The following CYFIP1 variants were observed in gnomAD, a reference collection of about 807,000 sequenced individuals.
CYFIP1 encodes cytoplasmic FMR1-interacting protein 1.
Under a neutral mutation model 163.5 loss-of-function variants are expected in CYFIP1, and 58 were observed. The ratio of observed to expected loss-of-function variants is 0.35; its 90% CI spans 0.29 to 0.44. The LOEUF is 0.44. Among genes scored for constraint, CYFIP1 ranks in the 20% least tolerant of loss-of-function variants. CYFIP1 has a pLI of 1.00. For missense variants in CYFIP1, 1,338 were observed against 1,653.8 expected, an observed-to-expected ratio of 0.81 and a Z score of 3.31; for synonymous variants, 663 against 660.7, an observed-to-expected ratio of 1.00 and a Z score of -0.05.
rs369554331 is a variant in CYFIP1 at position 22,870,088 on chromosome 15, C to T, written c.3702G>A (p.Thr1234=). The change falls in exon 31 of 31, where the codon ACG becomes ACA. Residue 1234 remains threonine (T), a synonymous_variant. Coordinates refer to ENST00000617928, the MANE Select transcript of CYFIP1 (RefSeq NM_014608.6). ...KYLKSGDGEG[T]PVEHVRCFQP... is the part of the protein sequence containing the mutation. ...GGAAGCAGCGCACATGCTCCACTGGCGTGCCCTCCCCGTCGCCTGACTTCA... is the reference window on the plus strand; with the variant it reads ...GGAAGCAGCGCACATGCTCCACTGGTGTGCCCTCCCCGTCGCCTGACTTCA... The T allele has an allele frequency of 8.1e-6, 13 of 1,612,810 alleles. No individual in the cohort carries two copies. Among genetic ancestry groups the T allele is most frequent in the East Asian group, 2.2e-5 (1 of 44,816 alleles).
chr15:22,941,784 A>G (rs2061900524), intron 6 of CYFIP1, among the ~76,000 whole-genome samples: 1 of 152,128 alleles, frequency 6.6e-6, no homozygotes, highest in South Asian at 2.1e-4. Flanking sequence ...ACTAGGCTTT[A>G]GAATAAAGGT....
chr15:22,960,999 CATTTATTT>C (rs139765970), intron 1 of CYFIP1, among the ~76,000 whole-genome samples: 9 of 151,300 alleles, frequency 5.9e-5, no homozygotes, highest in African/African-American at 1.2e-4. Context: ...ATTTGTATTT[CATTTATTT>C]ATTTATTTAT....
chr15:22,954,582 C>A (rs371179568), intron 1 of CYFIP1, among the ~76,000 whole-genome samples: 8 of 152,136 alleles, frequency 5.3e-5, no homozygotes, highest in African/African-American at 1.9e-4. Flanking sequence ...CCTCCCCAGG[C>A]GGCGAACCGA....
intron 23 of CYFIP1, among the ~76,000 whole-genome samples, chr15:22,883,917 A>C (rs1008711479): frequency 5.3e-5 from 8 of 152,148 alleles, no homozygotes; most frequent in Non-Finnish European, 1.0e-4. Flanking sequence ...GTAAAGGGGA[A>C]GCAAGCACCT....
chr15:22,947,044 T>C lies in CYFIP1; in HGVS notation c.166A>G (p.Ile56Val). 6.2e-7 allele frequency: 1 copy of C among 1,614,194 alleles called. No individual in the cohort carries two copies. The highest frequency in any genetic ancestry group is 8.5e-7 in the Non-Finnish European group (1 of 1,180,002). Residue 56 changes from isoleucine (I) to valine (V), a missense_variant, in exon 3 of 31, where the codon ATC (isoleucine) becomes GTC (valine). Around this residue, in one of 4 missense-constraint regions of CYFIP1, gnomAD observed 186 missense variants for 288.3 expected, o/e 0.65. Transcript: ENST00000617928. ...GTGGCTTGTTCAATGTATCTTGCGATGCCAGTAACAAATGCATTTCTGTCT... is the reference window on the plus strand; with the variant it reads ...GTGGCTTGTTCAATGTATCTTGCGACGCCAGTAACAAATGCATTTCTGTCT... ...FEDRNAFVTG[I>V]ARYIEQATVH...
At position 22,952,280 on chromosome 15, in the gene CYFIP1, A is replaced by T. The variant is rs532989011; in HGVS notation, c.-6-4989T>A. ...GGATACAGAGTTTCGGCTTGGAAAG[A>T]TGAAACGCTCTAGCTGGACAGTGGT... On this transcript the variant is annotated intron_variant, in intron 1 of 30. Transcript: ENST00000617928. 1.6e-4 allele frequency among the ~76,000 whole-genome samples: 25 copies of T among 152,254 alleles called. No homozygotes were observed. In the East Asian group the frequency reaches 4.8e-3, roughly 29 times the overall value.
At chr15:22,931,108 G>C (rs1284874199) in intron 11 of CYFIP1, among the ~76,000 whole-genome samples, 1 of 152,178 alleles carries the variant, frequency 6.6e-6, no homozygotes, top group Non-Finnish European at 1.5e-5. Flanking sequence ...TGGGGGGTGG[G>C]GGACAGGGTG....
intron 1 of CYFIP1, among the ~76,000 whole-genome samples, chr15:22,964,940 G>A (rs185190268): frequency 1.3e-5 from 2 of 152,182 alleles, no homozygotes; most frequent in Admixed American, 1.3e-4. Flanking sequence ...CTGTCTTTCT[G>A]GGCCTGGCTT....
intron 17 of CYFIP1, among the ~76,000 whole-genome samples, chr15:22,913,155 C>G (rs1445575000): frequency 6.6e-6 from 1 of 151,560 alleles, no homozygotes; most frequent in Admixed American, 6.6e-5. Context: ...GTCTTTGCAC[C>G]ACTGCACTCC....
chr15:22,898,144 A>G (rs1264577148), intron 22 of CYFIP1, among the ~76,000 whole-genome samples: 1 of 152,218 alleles, frequency 6.6e-6, no homozygotes, highest in Non-Finnish European at 1.5e-5. Flanking sequence ...TCCCCTCAGC[A>G]AAAGGTCCGA....
intron 1 of CYFIP1, among the ~76,000 whole-genome samples, chr15:22,978,915 C>T (rs946378764): frequency 2.0e-5 from 3 of 152,182 alleles, no homozygotes; most frequent in Non-Finnish European, 4.4e-5. Flanking sequence ...AGTATCCTGA[C>T]TGCGGTGGAA....
At chr15:22,969,196 C>A (rs57746174) in intron 1 of CYFIP1, among the ~76,000 whole-genome samples, 1,729 of 152,260 alleles carry the variant, frequency 0.011, 32 homozygotes, top group African/African-American at 0.04. Flanking sequence ...CAGGGCATGA[C>A]AAGGTCACAG....
intron 1 of CYFIP1, among the ~76,000 whole-genome samples, chr15:22,970,018 G>T (rs2063037555): frequency 6.6e-6 from 1 of 152,112 alleles, no homozygotes; most frequent in East Asian, 1.9e-4. Context: ...ATAATTATTA[G>T]TTAGAGCTAA....
rs538460842 is a variant in CYFIP1, at chr15:22,951,218, C to A, written c.-6-3927G>T. The A allele has an allele frequency of 8.8e-6, 6 of 679,216 alleles. No individual in the cohort carries two copies. In the East Asian group the frequency reaches 7.8e-4, roughly 88 times the overall value. The allele number at this position is 679,216 out of a possible 1,614,324, so 42.1% of individuals were successfully genotyped here. On this transcript the variant is annotated intron_variant, in intron 1 of 30. Transcript: ENST00000617928. ...AGGCACCGGCCGCACCGCCAGCCAC[C>A]TGGACCTCCCCGACACGTAAGGGAA...
rs779554402 is a variant in CYFIP1 at position 22,874,632 on chromosome 15, A to G, written c.3128T>C (p.Leu1043Pro). Reference sequence around the variant, plus strand: ...TTCTAGTCTTTTCATTTTGGCATCAAGTCTCTCCCCCTCTGCAGTAGAAAA... The same window carrying G: ...TTCTAGTCTTTTCATTTTGGCATCAGGTCTCTCCCCCTCTGCAGTAGAAAA... ...PRVHVKEGER[L>P]DAKMKRLESK... The change falls in exon 28 of 31, where the codon CTT becomes CCT. Residue 1043 changes from leucine to proline, a missense_variant. Physicochemically the swap from Leu to Pro is moderately conservative, Grantham distance 98 (BLOSUM62 -3). This residue lies in a region of CYFIP1 where 306 missense variants were observed against 322.1 expected (regional missense o/e 0.95). Transcript: ENST00000617928. The G allele has an allele frequency of 5.6e-6, 9 of 1,601,360 alleles. No homozygotes were observed. In the Admixed American group the frequency reaches 1.6e-4, roughly 28 times the overall value.
In CYFIP1 at chr15:22,946,971, C is replaced by T. The variant is rs111647124; in HGVS notation, c.207+32G>A. Reference sequence around the variant, plus strand: ...TGTCCTTCAAACACGCCCTTCTCTGCAGAGAGAAACAAAGACACACCGCAA... The same window carrying T: ...TGTCCTTCAAACACGCCCTTCTCTGTAGAGAGAAACAAAGACACACCGCAA... On this transcript the variant is annotated intron_variant, in intron 3 of 30. Coordinates refer to ENST00000617928, the MANE Select transcript of CYFIP1 (RefSeq NM_014608.6). 1.3e-3 allele frequency: 2,024 copies of T among 1,579,788 alleles called. 34 individuals carry two copies. The African/African-American group carries it at 0.025, about 19-fold the overall frequency.
intron 8 of CYFIP1, among the ~76,000 whole-genome samples, chr15:22,937,604 G>T (rs115534910): frequency 0.24 from 33,725 of 139,422 alleles, 4,855 homozygotes; most frequent in Middle Eastern, 0.36. Flanking sequence ...TTCTTTTTTT[G>T]TTTTTTTTTT....
chr15:22,956,762 C>T (rs762354971), intron 1 of CYFIP1, among the ~76,000 whole-genome samples: 21 of 152,156 alleles, frequency 1.4e-4, no homozygotes, highest in African/African-American at 3.4e-4. Context: ...CCACTCTGGC[C>T]GGGCCCAGGC....
chr15:22,945,689 TCAG>T (rs1239146729), intron 3 of CYFIP1, among the ~76,000 whole-genome samples: 1 of 151,742 alleles, frequency 6.6e-6, no homozygotes. Flanking sequence ...TTCTCTTGCC[TCAG>T]CCTCCTGAGT....
Sources: allele counts gnomAD v4.1 joint callset (sites outside exome capture counted in the v4.1 genomes callset), GRCh38; gene constraint gnomAD v4.1.1; regional missense constraint gnomAD v4.1.1; transcripts MANE v1.5; gene names NCBI Gene and HGNC (gene_info 2026-07-23, HGNC 2026-07-21).